The following CENPP variants were observed in gnomAD, a reference collection of about 807,000 sequenced individuals.
CENPP encodes the protein centromere protein P.
CENPP carries 24 observed loss-of-function variants against 35.6 expected under a neutral mutation model. The ratio of observed to expected loss-of-function variants is 0.67; its 90% CI spans 0.49 to 0.95. The LOEUF (loss-of-function observed/expected upper bound fraction) is 0.95. CENPP is among the 40% of genes least tolerant of loss of function. CENPP has a pLI of 0.00. For synonymous variants in CENPP, 120 were observed against 125.5 expected (o/e 0.96, Z 0.29); for missense variants, 332 against 345.3 (o/e 0.96, Z 0.31).
At chr9:92,416,589 C>G (rs376555184) in intron 5 of CENPP, 25 of 1,302,216 alleles carry the variant, frequency 1.9e-5, no homozygotes, top group South Asian at 1.1e-4. Context: ...CATTCTTTCT[C>G]TCTTCAAAAC....
intron 5 of CENPP, among the ~76,000 whole-genome samples, chr9:92,502,254 G>A (rs970066345): frequency 6.6e-6 from 1 of 152,172 alleles, no homozygotes; most frequent in Non-Finnish European, 1.5e-5. Context: ...ATGATAGGGT[G>A]TCCAGTATGC....
intron 5 of CENPP, among the ~76,000 whole-genome samples, chr9:92,577,712 T>C (rs72754474): frequency 0.04 from 6,063 of 152,188 alleles, 185 homozygotes; most frequent in South Asian, 0.099. Context: ...CCCAGCTACT[T>C]GGAAGCTGAG....
chr9:92,560,868 C>CTTTTTTTTTTT (rs58467942), intron 5 of CENPP, among the ~76,000 whole-genome samples: 4 of 126,150 alleles, frequency 3.2e-5, no homozygotes, highest in Non-Finnish European at 6.6e-5. Flanking sequence ...TTTTTCTTGT[C>CTTTTTTTTTTT]TTTTTTTTTT....
chr9:92,542,490 C>T (rs774438290), intron 5 of CENPP, among the ~76,000 whole-genome samples: 10 of 145,326 alleles, frequency 6.9e-5, no homozygotes, highest in Non-Finnish European at 1.5e-4. Flanking sequence ...AGCATTTCCC[C>T]TATGTTTTCT....
chr9:92,484,327 G>A (rs2131109384), intron 5 of CENPP, among the ~76,000 whole-genome samples: 1 of 152,150 alleles, frequency 6.6e-6, no homozygotes, highest in Middle Eastern at 3.4e-3. Flanking sequence ...AGCACCATAG[G>A]TTATTTCCTG....
At position 92,612,499 on chromosome 9, in the gene CENPP, CGACATGTTTTACTGCTTTTTCA is replaced by C. The variant is rs1564022015; in HGVS notation, c.645-22_645-1del. The C allele has an allele frequency of 6.4e-7, 1 of 1,563,076 alleles. No individual in the cohort carries two copies. Among genetic ancestry groups the C allele is most frequent in the African/African-American group, 1.4e-5 (1 of 74,016 alleles). On this transcript the variant is annotated splice_acceptor_variant and splice_polypyrimidine_tract_variant and intron_variant, in intron 6 of 7. Coordinates refer to ENST00000375587, the MANE Select transcript of CENPP (RefSeq NM_001012267.3). LOFTEE classifies it high-confidence loss of function. ...TCGCCAGATTTCAAAAAGCACATAA[CGACATGTTTTACTGCTTTTTCA>C]GGTTTGAATTAGTCATTGTTTGGAG...
At chr9:92,504,335 A>C (rs1179162635) in intron 5 of CENPP, among the ~76,000 whole-genome samples, 1 of 152,196 alleles carries the variant, frequency 6.6e-6, no homozygotes, top group Non-Finnish European at 1.5e-5. Context: ...GGTGGTAGCC[A>C]TGACAGCCAC....
chr9:92,389,652 TTATG>T, intron 5 of CENPP: 2 of 429,558 alleles, frequency 4.7e-6, no homozygotes, highest in Non-Finnish European at 8.2e-6. Flanking sequence ...AAAATAAAGG[TTATG>T]TATTTTAACT....
intron 5 of CENPP, among the ~76,000 whole-genome samples, chr9:92,560,694 C>T (rs1232106058): frequency 6.6e-6 from 1 of 152,118 alleles, no homozygotes; most frequent in Non-Finnish European, 1.5e-5. Flanking sequence ...CCATTCTCTA[C>T]TCCATTTCTT....
intron 5 of CENPP, among the ~76,000 whole-genome samples, chr9:92,526,816 A>G (rs1449198349): frequency 2.0e-5 from 3 of 152,176 alleles, no homozygotes; most frequent in Admixed American, 6.5e-5. Flanking sequence ...CTCTTAGTGT[A>G]CAGTGTTTAT....
intron 4 of CENPP, among the ~76,000 whole-genome samples, chr9:92,374,304 A>C (rs941111713): frequency 1.3e-5 from 2 of 148,718 alleles, no homozygotes; most frequent in African/African-American, 4.9e-5. Flanking sequence ...TCCTGGGTTC[A>C]AGTGATTCTC....
chr9:92,521,448 A>G (rs775132110), intron 5 of CENPP, among the ~76,000 whole-genome samples: 6 of 152,088 alleles, frequency 3.9e-5, no homozygotes, highest in South Asian at 2.1e-4. Flanking sequence ...TAAATTGCCT[A>G]TTTTCAGGAT....
intron 5 of CENPP, among the ~76,000 whole-genome samples, chr9:92,559,639 A>G (rs949043553): frequency 6.6e-6 from 1 of 152,112 alleles, no homozygotes; most frequent in African/African-American, 2.4e-5. Context: ...CCTGTCTGCC[A>G]TGATCCCCTC....
intron 5 of CENPP, among the ~76,000 whole-genome samples, chr9:92,518,858 C>T (rs181633420): frequency 4.7e-4 from 72 of 152,298 alleles, no homozygotes; most frequent in Non-Finnish European, 2.6e-4. Context: ...CACTGTACTC[C>T]AGTCTGGATG....
At chr9:92,508,015 C>T (rs1230499884) in intron 5 of CENPP, among the ~76,000 whole-genome samples, 1 of 152,182 alleles carries the variant, frequency 6.6e-6, no homozygotes, top group Non-Finnish European at 1.5e-5. Context: ...GGAGTGCCCT[C>T]CTTCCCCCTC....
chr9:92,606,632 A>G (rs1440723790), intron 5 of CENPP, among the ~76,000 whole-genome samples: 4 of 152,244 alleles, frequency 2.6e-5, no homozygotes, highest in Non-Finnish European at 5.9e-5. Context: ...AGGGCAAGGC[A>G]CAGTGGCTCA....
At chr9:92,356,139 A>G (rs1841583539) in intron 4 of CENPP, among the ~76,000 whole-genome samples, 1 of 152,198 alleles carries the variant, frequency 6.6e-6, no homozygotes, top group South Asian at 2.1e-4. Context: ...CTGCTTAGAA[A>G]ACCTCAGCTG....
chr9:92,392,538 C>G (rs974655395), intron 5 of CENPP, among the ~76,000 whole-genome samples: 8 of 151,780 alleles, frequency 5.3e-5, no homozygotes, highest in African/African-American at 1.5e-4. Flanking sequence ...CCACTTAAAC[C>G]TGGGAGACAG....
At chr9:92,400,552 T>C (rs938623250) in intron 5 of CENPP, among the ~76,000 whole-genome samples, 6 of 152,260 alleles carry the variant, frequency 3.9e-5, no homozygotes, top group South Asian at 2.1e-4. Flanking sequence ...TTTAGAAATA[T>C]AGAAATTAAT....
Sources: allele counts gnomAD v4.1 joint callset (sites outside exome capture counted in the v4.1 genomes callset), GRCh38; gene constraint gnomAD v4.1.1; transcripts MANE v1.5; gene names NCBI Gene and HGNC (gene_info 2026-07-23, HGNC 2026-07-21).